Variants in PHF14 observed in about 807,000 individuals in gnomAD.
PHF14 encodes PHD finger protein 14.
PHF14 carries 55 observed loss-of-function variants against 117.9 expected under a neutral mutation model. The observed-to-expected ratio is 0.47, with a 90% confidence interval of 0.38 to 0.58. PHF14 has a LOEUF of 0.58. PHF14 is among the 20% of genes least tolerant of loss of function. PHF14 has a pLI of 0.00. For missense variants in PHF14, 978 were observed against 1,122.2 expected, an observed-to-expected ratio of 0.87 and a Z score of 1.84; for synonymous variants, 409 against 368.6, an observed-to-expected ratio of 1.11 and a Z score of -1.26.
At chr7:11,144,543 C>A (rs969093018) in intron 17 of PHF14, among the ~76,000 whole-genome samples, 1 of 149,390 alleles carries the variant, frequency 6.7e-6, no homozygotes, top group African/African-American at 2.4e-5. Context: ...ACCTGCACCC[C>A]ATGTTTATTG....
At chr7:11,075,584 T>A (rs1321803551) in intron 16 of PHF14, among the ~76,000 whole-genome samples, 2 of 147,626 alleles carry the variant, frequency 1.4e-5, no homozygotes, top group African/African-American at 5.0e-5. Context: ...TTTTTTTTTT[T>A]TTTTTTATTA....
chr7:10,999,251 G>C (rs1329835929), intron 4 of PHF14, among the ~76,000 whole-genome samples: 2 of 152,104 alleles, frequency 1.3e-5, no homozygotes, highest in African/African-American at 4.8e-5. Flanking sequence ...TAAGGCCTGT[G>C]GTCTCCAGTT....
chr7:11,117,691 C>T (rs555978409), intron 17 of PHF14, among the ~76,000 whole-genome samples: 29 of 148,698 alleles, frequency 2.0e-4, no homozygotes, highest in Admixed American at 1.7e-3. Context: ...TCTTTAAGAA[C>T]GGAACAATCT....
chr7:11,144,292 G>T (rs1788481498), intron 17 of PHF14, among the ~76,000 whole-genome samples: 1 of 152,022 alleles, frequency 6.6e-6, no homozygotes, highest in African/African-American at 2.4e-5. Flanking sequence ...AGCCATTATG[G>T]AAAACAGTAT....
chr7:11,165,277 T>C (rs1789169550), intron 17 of PHF14, among the ~76,000 whole-genome samples: 1 of 152,204 alleles, frequency 6.6e-6, no homozygotes, highest in East Asian at 1.9e-4. Flanking sequence ...GTTTATCTGA[T>C]GTTTTCTCAG....
intron 17 of PHF14, among the ~76,000 whole-genome samples, chr7:11,143,072 A>C (rs527954433): frequency 1.6e-4 from 24 of 152,244 alleles, no homozygotes; most frequent in African/African-American, 5.5e-4. Flanking sequence ...TTTTGTCAGA[A>C]ATATTTGCCT....
chr7:11,160,123 T>C (rs978299898), intron 17 of PHF14, among the ~76,000 whole-genome samples: 1 of 152,146 alleles, frequency 6.6e-6, no homozygotes, highest in East Asian at 1.9e-4. Flanking sequence ...CATGTCCCTG[T>C]GTACCCAATG....
At chr7:11,088,318 T>A (rs1786498640) in intron 16 of PHF14, among the ~76,000 whole-genome samples, 1 of 152,140 alleles carries the variant, frequency 6.6e-6, no homozygotes, top group Admixed American at 6.5e-5. Context: ...CATGGTTGGT[T>A]GAATCCATTG....
At chr7:11,077,555 C>T (rs1174686216) in intron 16 of PHF14, among the ~76,000 whole-genome samples, 2 of 146,566 alleles carry the variant, frequency 1.4e-5, no homozygotes, top group African/African-American at 5.1e-5. Context: ...GAGCCCAGAT[C>T]GCGCCACTGC....
intron 3 of PHF14, among the ~76,000 whole-genome samples, chr7:10,984,605 T>G (rs967044364): frequency 6.6e-6 from 1 of 152,164 alleles, no homozygotes; most frequent in Admixed American, 6.5e-5. Flanking sequence ...ACTTTCTTCA[T>G]TTTTATTAGG....
In PHF14 at chr7:11,089,761, CTTTTTTTTTTTT is replaced by C. The variant is rs71023888; in HGVS notation, c.2655-21574_2655-21563del. Among the ~76,000 whole-genome samples the C allele has an allele frequency of 9.4e-4, 92 of 97,898 alleles. 1 individual carries two copies. The South Asian group carries it at 0.032, about 34-fold the overall frequency. 64.2% of individuals were successfully genotyped at this position (97,898 alleles called of 152,430 possible). On this transcript the variant is annotated intron_variant, in intron 16 of 17. Transcript: ENST00000634607. ...TTTAGTGTAGAATTGTTCATGCATTCTTTTTTTTTTTTTTTTTTTTTTTTTTGAGACGGAGTT... is the reference window on the plus strand; with the variant it reads ...TTTAGTGTAGAATTGTTCATGCATTCTTTTTTTTTTTTTTGAGACGGAGTT...
chr7:11,157,580 A>G (rs777767309), intron 17 of PHF14, among the ~76,000 whole-genome samples: 1 of 152,184 alleles, frequency 6.6e-6, no homozygotes, highest in Non-Finnish European at 1.5e-5. Flanking sequence ...CAGTATTAAT[A>G]AGGACATCCA....
At chr7:10,985,478 C>A (rs1329828219) in intron 3 of PHF14, among the ~76,000 whole-genome samples, 1 of 151,826 alleles carries the variant, frequency 6.6e-6, no homozygotes, top group South Asian at 2.1e-4. Context: ...AAAATAATGA[C>A]CTGAAACTTT....
At chr7:11,093,469 A>G (rs956609637) in intron 16 of PHF14, among the ~76,000 whole-genome samples, 3 of 152,156 alleles carry the variant, frequency 2.0e-5, no homozygotes, top group Non-Finnish European at 4.4e-5. Flanking sequence ...ACAAGGCTTC[A>G]GATTTCTTTG....
At chr7:11,110,532 T>G in intron 16 of PHF14, 1 of 981,806 alleles carries the variant, frequency 1.0e-6, no homozygotes, top group African/African-American at 1.7e-5. Context: ...CAGGATGAGA[T>G]TGTCTGAAAC....
intron 4 of PHF14, among the ~76,000 whole-genome samples, chr7:11,007,688 A>AGG (rs1783172483): frequency 3.3e-5 from 5 of 152,332 alleles, no homozygotes; most frequent in African/African-American, 4.8e-5. Flanking sequence ...ATATTAAATA[A>AGG]AATGTGGAAA....
chr7:11,111,408 T>C lies in PHF14; in HGVS notation c.2713T>C (p.Ser905Pro), dbSNP rs1235041036. ...FGCLDPPLKK[S>P]PKQTGYGWIC... ...CTGTTTGGATCCTCCTTTGAAAAAG[T>C]CTCCTAAACAGACAGGCTACGGATG... The change falls in exon 17 of 18, where the codon TCT (serine) becomes CCT (proline). Residue 905 changes from serine to proline, a missense_variant. Physicochemically the swap from Ser to Pro is moderately conservative, Grantham distance 74. This residue lies in a region of PHF14 where 180 missense variants were observed against 195.4 expected (regional missense o/e 0.92). Transcript: ENST00000634607. 1 of 1,609,362 alleles carries C rather than the reference T, an allele frequency of 6.2e-7. No homozygotes were observed. The highest frequency in any genetic ancestry group is 8.5e-7 in the Non-Finnish European group (1 of 1,177,212).
chr7:11,006,703 G>A, intron 4 of PHF14: 1 of 643,430 alleles, frequency 1.6e-6, no homozygotes, highest in East Asian at 3.3e-5. Context: ...TATCTGGGCT[G>A]CCTCCAGAGT....
chr7:11,113,358 T>C (rs552764516), intron 17 of PHF14, among the ~76,000 whole-genome samples: 1 of 152,288 alleles, frequency 6.6e-6, no homozygotes, highest in African/African-American at 2.4e-5. Context: ...TTTTGTTTTC[T>C]TCTCTACCAC....
Sources: gnomAD v4.1 joint callset for allele counts (sites outside exome capture counted in the v4.1 genomes callset) on GRCh38, gnomAD v4.1.1 for gene constraint, gnomAD v4.1.1 regional missense constraint, MANE v1.5 for transcripts, NCBI Gene and HGNC (gene_info 2026-07-23, HGNC 2026-07-21) for gene names.